CYP2C19: variants seen among roughly 807,000 people sequenced by gnomAD.
CYP2C19 encodes cytochrome P450 2C19.
A neutral mutation model predicts 40.9 loss-of-function variants in CYP2C19; 59 were observed. That is an observed-to-expected ratio of 1.44 (90% CI 1.17 to 1.79). The LOEUF is 1.79. Ranked by LOEUF, CYP2C19 falls within the 40% of genes most tolerant of loss-of-function variation. The probability of loss-of-function intolerance (pLI) is 0.00; values close to 1 mark genes in which losing one functional copy is unlikely to be tolerated. For synonymous variants in CYP2C19, 253 were observed against 208.7 expected (o/e 1.21, Z -1.83); for missense variants, 754 against 596.9 (o/e 1.26, Z -2.74).
Position 94,820,522 on chromosome 10 carries a change from C to A in CYP2C19, c.846C>A (p.Phe282Leu), listed in dbSNP as rs1849099267. The change falls in exon 6 of 9, where the codon TTC (phenylalanine) becomes TTA (leucine). Residue 282 changes from phenylalanine to leucine, a missense_variant. By Grantham distance (22) the Phe-to-Leu change is conservative. Coordinates refer to ENST00000371321, the MANE Select transcript of CYP2C19 (RefSeq NM_000769.4). The stretch of plus-strand genomic sequence containing the variant: ...AAAAGCAAAACCAACAGTCTGAATT[C>A]ACTATTGAAAACTTGGTAATCACTG... ...EKEKQNQQSE[F>L]TIENLVITAA... 1 of 1,613,992 alleles carries A rather than the reference C, an allele frequency of 6.2e-7. No homozygotes were observed. Among genetic ancestry groups the A allele is most frequent in the Non-Finnish European group, 8.5e-7 (1 of 1,180,012 alleles).
In CYP2C19 at chr10:94,842,903, G is replaced by A. The variant is rs770019624; in HGVS notation, c.1028G>A (p.Gly343Asp). ...CGGAGCCCCTGCATGCAGGACAGGG[G>A]CCACATGCCCTACACAGATGCTGTG... Reference protein sequence around the residue: ...RNRSPCMQDRGHMPYTDAVVH... With the variant: ...RNRSPCMQDRDHMPYTDAVVH... The change falls in exon 7 of 9, where the codon GGC (glycine) becomes GAC (aspartate). Residue 343 changes from glycine to aspartate, a missense_variant. By Grantham distance (94) the Gly-to-Asp change is moderately conservative (BLOSUM62 -1). Coordinates refer to ENST00000371321, the MANE Select transcript of CYP2C19 (RefSeq NM_000769.4). 3.7e-6 allele frequency: 6 copies of A among 1,614,168 alleles called. No homozygotes were observed. The South Asian group carries it at 5.5e-5, about 15-fold the overall frequency.
chr10:94,773,965 T>G (rs1320803103), intron 1 of CYP2C19: 2 of 152,196 alleles, frequency 1.3e-5, no homozygotes, highest in Non-Finnish European at 2.9e-5. Flanking sequence ...GAGTGCTGAT[T>G]GGTGTGTTTA....
At chr10:94,828,589 C>A (rs998363031) in intron 6 of CYP2C19, among the ~76,000 whole-genome samples, 1 of 149,208 alleles carries the variant, frequency 6.7e-6, no homozygotes, top group Non-Finnish European at 1.5e-5. Flanking sequence ...CTGAATACAG[C>A]ACACTGATGG....
intron 5 of CYP2C19, among the ~76,000 whole-genome samples, chr10:94,792,161 T>C (rs1237223604): frequency 6.6e-6 from 1 of 152,150 alleles, no homozygotes; most frequent in Non-Finnish European, 1.5e-5. Context: ...TAAAGTCTGT[T>C]TTATCAGAGA....
At chr10:94,765,412 G>A (rs1848226340) in intron 1 of CYP2C19, among the ~76,000 whole-genome samples, 1 of 152,114 alleles carries the variant, frequency 6.6e-6, no homozygotes, top group African/African-American at 2.4e-5. Context: ...TGGCTGGGTA[G>A]ACACAACTGG....
rs1368180115 is a variant in CYP2C19, at chr10:94,854,406, AT to A, written c.*1496del. 1.3e-5 allele frequency among the ~76,000 whole-genome samples: 2 copies of A among 152,066 alleles called. No individual in the cohort carries two copies. The highest frequency in any genetic ancestry group is 2.9e-5 in the Non-Finnish European group (2 of 67,996). ...TAGTTTTAACATTAGTGGGATGATA[AT>A]TTTATGCTATTGTCCTAATATAATT... On this transcript the variant is annotated 3_prime_UTR_variant, in exon 9 of 9. Coordinates refer to ENST00000371321, the MANE Select transcript of CYP2C19 (RefSeq NM_000769.4).
At chr10:94,768,663 A>G (rs1039137599) in intron 1 of CYP2C19, among the ~76,000 whole-genome samples, 4 of 152,152 alleles carry the variant, frequency 2.6e-5, no homozygotes, top group African/African-American at 9.7e-5. Flanking sequence ...CTCTGACACT[A>G]AGACAGCCAT....
At chr10:94,771,480 A>G (rs1269504781) in intron 1 of CYP2C19, among the ~76,000 whole-genome samples, 1 of 152,152 alleles carries the variant, frequency 6.6e-6, no homozygotes, top group Non-Finnish European at 1.5e-5. Flanking sequence ...GCAGGATAGC[A>G]TTGTAATTTA....
chr10:94,770,908 T>C lies in CYP2C19; in HGVS notation c.169-4150T>C, dbSNP rs961876624. 9.9e-5 allele frequency among the ~76,000 whole-genome samples: 15 copies of C among 152,194 alleles called. 1 individual carries two copies. Among genetic ancestry groups the C allele is most frequent in the African/African-American group, 3.6e-4 (15 of 41,458 alleles). On this transcript the variant is annotated intron_variant, in intron 1 of 8. Coordinates refer to ENST00000371321, the MANE Select transcript of CYP2C19 (RefSeq NM_000769.4). ...CTGACCAGTAGGGAATTTGTCCCTT[T>C]CTTCAGCTGTCATTCTATCATTTAC...
At chr10:94,816,792 T>C (rs1849011873) in intron 5 of CYP2C19, among the ~76,000 whole-genome samples, 1 of 148,300 alleles carries the variant, frequency 6.7e-6, no homozygotes, top group South Asian at 2.2e-4. Context: ...TGTGATCTCA[T>C]TGTTCAATTC....
rs542989384 is a variant in CYP2C19 at position 94,804,603 on chromosome 10, C to T, written c.820-15893C>T. Among the ~76,000 whole-genome samples, 474 of 152,310 alleles carry T rather than the reference C, an allele frequency of 3.1e-3. 3 individuals are homozygous for T. Among genetic ancestry groups the T allele is most frequent in the African/African-American group, 0.011 (451 of 41,584 alleles). On this transcript the variant is annotated intron_variant, in intron 5 of 8. Coordinates refer to ENST00000371321, the MANE Select transcript of CYP2C19 (RefSeq NM_000769.4). ...GCTTAGAATAAACAAAGTGCTCTCC[C>T]TTGACCTGGGTTGCTCAGATCCCCA...
intron 6 of CYP2C19, among the ~76,000 whole-genome samples, chr10:94,824,754 C>A (rs559051882): frequency 2.0e-5 from 3 of 151,690 alleles, no homozygotes; most frequent in African/African-American, 7.3e-5. Context: ...GCACGGCACC[C>A]ACTAACTCGT....
chr10:94,825,999 T>C (rs1194089996), intron 6 of CYP2C19, among the ~76,000 whole-genome samples: 2 of 150,116 alleles, frequency 1.3e-5, no homozygotes, highest in South Asian at 2.1e-4. Flanking sequence ...AGGGCTCTGT[T>C]CTGTTCCATT....
At chr10:94,819,029 A>G (rs1849065774) in intron 5 of CYP2C19, among the ~76,000 whole-genome samples, 1 of 149,698 alleles carries the variant, frequency 6.7e-6, no homozygotes, top group Non-Finnish European at 1.5e-5. Flanking sequence ...CAGAAATTAT[A>G]ACAAACTATC....
At chr10:94,803,907 G>A (rs1848798942) in intron 5 of CYP2C19, among the ~76,000 whole-genome samples, 1 of 152,138 alleles carries the variant, frequency 6.6e-6, no homozygotes, top group Non-Finnish European at 1.5e-5. Context: ...TGGATATGGA[G>A]CAGAGAGGGC....
chr10:94,775,318 A>AT (rs1291904181), intron 2 of CYP2C19, 72 bp from the exon 3 acceptor site: 2 of 1,612,306 alleles, frequency 1.2e-6, no homozygotes, highest in African/African-American at 2.7e-5. Flanking sequence ...GCCCATCCAC[A>AT]TGGCTGCCCA....
rs771120274 is a variant in CYP2C19, at chr10:94,843,012, C to A, written c.1137C>A (p.Tyr379Ter). The change falls in exon 7 of 9, where the codon TAC (tyrosine) becomes TAA (stop). Residue 379 changes from tyrosine to a stop codon, truncating the protein, a stop_gained. Transcript: ENST00000371321. LOFTEE classifies it high-confidence loss of function. ...CCTGTGACGTTAAATTCAGAAACTA[C>A]CTCATTCCCAAGGTAAGTTTGTTTC... ...AVTCDVKFRN[Y>*]LIPKGTTILT... 3.2e-5 allele frequency: 52 copies of A among 1,614,072 alleles called. 1 individual carries two copies. In the Admixed American group the frequency reaches 8.2e-4, roughly 25 times the overall value.
intron 4 of CYP2C19, among the ~76,000 whole-genome samples, chr10:94,781,434 G>A (rs1441272572): frequency 6.6e-6 from 1 of 152,082 alleles, no homozygotes; most frequent in Non-Finnish European, 1.5e-5. Context: ...TATCTTTGTA[G>A]TATCAATCAG....
At chr10:94,782,846 A>G (rs1191444081) in intron 5 of CYP2C19, among the ~76,000 whole-genome samples, 1 of 152,154 alleles carries the variant, frequency 6.6e-6, no homozygotes, top group Non-Finnish European at 1.5e-5. Flanking sequence ...ACTCTCAGTA[A>G]ACTAACACAG....
Sources: allele counts gnomAD v4.1 joint callset (sites outside exome capture counted in the v4.1 genomes callset), GRCh38; gene constraint gnomAD v4.1.1; transcripts MANE v1.5; gene names NCBI Gene and HGNC (gene_info 2026-07-23, HGNC 2026-07-21).